Variants in TBC1D4 observed in about 807,000 individuals in gnomAD.
TBC1D4 encodes the protein TBC (Tre-2, BUB2, CDC16) domain-containing protein.
Under a neutral mutation model 142.5 loss-of-function variants are expected in TBC1D4, and 121 were observed. The ratio of observed to expected loss-of-function variants is 0.85; its 90% confidence interval spans 0.73 to 0.99. TBC1D4 has a LOEUF of 0.99. TBC1D4 is among the 50% of genes least tolerant of loss of function. TBC1D4 has a pLI of 0.00. For synonymous variants in TBC1D4, 630 were observed against 628.2 expected (o/e 1.00, Z -0.04); for missense variants, 1,475 against 1,606.6 (o/e 0.92, Z 1.40).
chr13:75,345,243 A>G (rs1251666650), intron 5 of TBC1D4, among the ~76,000 whole-genome samples: 1 of 152,222 alleles, frequency 6.6e-6, no homozygotes, highest in East Asian at 1.9e-4. Context: ...TATGGATGGA[A>G]TGGGCTAATA....
intron 1 of TBC1D4, among the ~76,000 whole-genome samples, chr13:75,419,990 C>G (rs1886094729): frequency 6.6e-6 from 1 of 152,152 alleles, no homozygotes; most frequent in Admixed American, 6.5e-5. Flanking sequence ...AAAGGAAGAG[C>G]AGGATGTCAC....
At chr13:75,306,233 G>C (rs1486330601) in intron 15 of TBC1D4, 80 bp downstream of exon 15, 8 of 1,244,948 alleles carry the variant, frequency 6.4e-6, no homozygotes, top group Middle Eastern at 2.7e-4. Flanking sequence ...CAAAATCTGA[G>C]CTCCACAAAT....
intron 1 of TBC1D4, among the ~76,000 whole-genome samples, chr13:75,470,230 A>G (rs1161668855): frequency 6.6e-6 from 1 of 152,206 alleles, no homozygotes. Context: ...TCTCTGTCAC[A>G]AATGCTCAGC....
intron 1 of TBC1D4, among the ~76,000 whole-genome samples, chr13:75,444,843 C>T (rs1887206495): frequency 6.6e-6 from 1 of 152,060 alleles, no homozygotes; most frequent in Admixed American, 6.5e-5. Flanking sequence ...CATGGGTCTA[C>T]ATTTCTCTAC....
intron 15 of TBC1D4, 96 bp from the exon 16 acceptor site, chr13:75,302,497 C>CT: frequency 7.1e-7 from 1 of 1,399,030 alleles, no homozygotes; most frequent in Non-Finnish European, 1.0e-6. Flanking sequence ...AAACAGGCAG[C>CT]TGTATGTACT....
At chr13:75,456,430 T>C (rs909418709) in intron 1 of TBC1D4, among the ~76,000 whole-genome samples, 8 of 151,278 alleles carry the variant, frequency 5.3e-5, no homozygotes, top group African/African-American at 1.7e-4. Flanking sequence ...AGGACACATA[T>C]CCAGAATATT....
At chr13:75,443,189 C>T (rs1025178676) in intron 1 of TBC1D4, among the ~76,000 whole-genome samples, 1 of 152,156 alleles carries the variant, frequency 6.6e-6, no homozygotes, top group Admixed American at 6.5e-5. Flanking sequence ...AATAACTGCA[C>T]AACTACTTTT....
intron 1 of TBC1D4, among the ~76,000 whole-genome samples, chr13:75,464,630 C>T (rs1454823514): frequency 6.6e-6 from 1 of 152,232 alleles, no homozygotes; most frequent in African/African-American, 2.4e-5. Context: ...TCTTTAATTC[C>T]TCTAGCACCA....
intron 17 of TBC1D4, among the ~76,000 whole-genome samples, chr13:75,295,344 C>G (rs965438570): frequency 1.1e-4 from 16 of 152,232 alleles, no homozygotes; most frequent in African/African-American, 3.1e-4. Context: ...GGCTCAGGAA[C>G]CTCATAGAAA....
chr13:75,320,867 CAAAAA>C (rs148657060), intron 11 of TBC1D4, among the ~76,000 whole-genome samples: 7 of 84,378 alleles, frequency 8.3e-5, no homozygotes, highest in African/African-American at 2.9e-4. Flanking sequence ...ACTAAAAATA[CAAAAA>C]AAAAAAAAAA....
At chr13:75,478,964 A>G (rs898954252) in intron 1 of TBC1D4, among the ~76,000 whole-genome samples, 6 of 152,252 alleles carry the variant, frequency 3.9e-5, no homozygotes, top group African/African-American at 1.2e-4. Context: ...AATGTTTACA[A>G]TATTTGCCAG....
chr13:75,301,457 C>G (rs1242327929), intron 16 of TBC1D4, among the ~76,000 whole-genome samples: 1 of 151,884 alleles, frequency 6.6e-6, no homozygotes, highest in East Asian at 1.9e-4. Context: ...CTGGCTAACA[C>G]GGTGAAACCC....
chr13:75,291,506 T>C (rs987704102), intron 19 of TBC1D4, among the ~76,000 whole-genome samples: 3 of 152,196 alleles, frequency 2.0e-5, no homozygotes, highest in African/African-American at 4.8e-5. Context: ...GGTTCCTTCA[T>C]TTGAATCATC....
intron 18 of TBC1D4, among the ~76,000 whole-genome samples, chr13:75,292,917 G>A (rs1009774344): frequency 1.3e-5 from 2 of 152,182 alleles, no homozygotes; most frequent in Admixed American, 1.3e-4. Flanking sequence ...CAATTTGGGA[G>A]GCTGAGGTGG....
chr13:75,286,320 TTGAG>T lies in TBC1D4; in HGVS notation c.*468_*471del, dbSNP rs1874662352. ...CATAAATGTTTCCACCTTTTCACCA[TTGAG>T]TGAAACATGCTGTTCTTTGGAGAAA... is the stretch of plus-strand genomic sequence containing the variant. On this transcript the variant is annotated 3_prime_UTR_variant, in exon 21 of 21. Coordinates refer to ENST00000377636, the MANE Select transcript of TBC1D4 (RefSeq NM_014832.5). 1 of 159,040 alleles carries T rather than the reference TTGAG, an allele frequency of 6.3e-6. No individual in the cohort carries two copies. Among genetic ancestry groups the T allele is most frequent in the Non-Finnish European group, 1.4e-5 (1 of 71,674 alleles). The allele number at this position is 159,040 out of a possible 1,614,324, so 9.9% of individuals were successfully genotyped here.
At chr13:75,313,326 A>G (rs1357891460) in intron 12 of TBC1D4, among the ~76,000 whole-genome samples, 2 of 152,164 alleles carry the variant, frequency 1.3e-5, no homozygotes, top group Non-Finnish European at 2.9e-5. Flanking sequence ...GTCAATAAAG[A>G]CTGTTTCTAA....
At chr13:75,357,050 T>C (rs1432929231) in intron 3 of TBC1D4, among the ~76,000 whole-genome samples, 2 of 152,212 alleles carry the variant, frequency 1.3e-5, no homozygotes, top group Non-Finnish European at 2.9e-5. Flanking sequence ...TGCTGAAATC[T>C]TCATTCAACT....
Position 75,315,279 on chromosome 13 carries a change from G to C in TBC1D4, c.2223-2381C>G, listed in dbSNP as rs146365647. Among the ~76,000 whole-genome samples the C allele has an allele frequency of 2.4e-3, 364 of 151,196 alleles. 6 individuals are homozygous for C. Among genetic ancestry groups the C allele is most frequent in the Admixed American group, 0.022 (328 of 15,130 alleles). On this transcript the variant is annotated intron_variant, in intron 12 of 20. Coordinates refer to ENST00000377636, the MANE Select transcript of TBC1D4 (RefSeq NM_014832.5). ...GCCGAGATCGCATCCCTGCACTCCT[G>C]CCTGAGCAACAGGGCAAGACTCTGT...
At chr13:75,472,568 AAT>A (rs1888460677) in intron 1 of TBC1D4, among the ~76,000 whole-genome samples, 2 of 152,228 alleles carry the variant, frequency 1.3e-5, no homozygotes, top group South Asian at 4.1e-4. Context: ...TCTGTCTGCA[AAT>A]AAAATCTGTT....
Sources: allele counts gnomAD v4.1 joint callset (sites outside exome capture counted in the v4.1 genomes callset), GRCh38; gene constraint gnomAD v4.1.1; transcripts MANE v1.5; gene names NCBI Gene and HGNC (gene_info 2026-07-23, HGNC 2026-07-21).